CDK7: variants seen among roughly 807,000 people sequenced by gnomAD.
The protein encoded by CDK7 is cyclin-dependent kinase 7.
CDK7 carries 25 observed loss-of-function variants against 49.1 expected under a neutral mutation model. That is an observed-to-expected ratio of 0.51 (90% CI 0.37 to 0.71). CDK7 has a LOEUF of 0.71. Among genes scored for constraint, CDK7 ranks in the 30% least tolerant of loss-of-function variants. The pLI is 0.00. For synonymous variants in CDK7, 107 were observed against 140.0 expected, an observed-to-expected ratio of 0.76 and a Z score of 1.67; for missense variants, 316 against 411.7, an observed-to-expected ratio of 0.77 and a Z score of 2.01.
chr5:69,259,121 T>G (rs777304807), intron 6 of CDK7, among the ~76,000 whole-genome samples: 16 of 151,966 alleles, frequency 1.1e-4, no homozygotes, highest in Non-Finnish European at 1.5e-4. Context: ...AAGTTCAGTA[T>G]TCTTTGTGCT....
intron 2 of CDK7, among the ~76,000 whole-genome samples, chr5:69,238,421 A>G (rs1171529853): frequency 6.6e-6 from 1 of 151,506 alleles, no homozygotes; most frequent in Non-Finnish European, 1.5e-5. Flanking sequence ...ACCAGCTAGG[A>G]GTACAGGTGC....
chr5:69,236,283 C>T (rs1484387120), intron 2 of CDK7, among the ~76,000 whole-genome samples: 2 of 151,420 alleles, frequency 1.3e-5, no homozygotes, highest in South Asian at 2.1e-4. Flanking sequence ...ACATAACTCA[C>T]GTTCACCTAC....
At chr5:69,236,233 C>T (rs1454890907) in intron 2 of CDK7, among the ~76,000 whole-genome samples, 2 of 141,680 alleles carry the variant, frequency 1.4e-5, no homozygotes, top group East Asian at 4.1e-4. Context: ...GAGGGAGACT[C>T]CATCTTAAAA....
In CDK7 at chr5:69,235,036, G is replaced by T; in HGVS notation, c.61G>T (p.Gly21Ter). Residue 21 changes from glycine (G) to a stop codon, truncating the protein, a stop_gained, in exon 1 of 12, where the codon GGA (glycine) becomes TGA (stop). Coordinates refer to ENST00000256443, the MANE Select transcript of CDK7 (RefSeq NM_001799.4). LOFTEE classifies it high-confidence loss of function. Reference protein sequence around the residue: ...RYEKLDFLGEGQFATVYKARD... With the variant: ...RYEKLDFLGE The stretch of plus-strand genomic sequence containing the variant: ...TGAGAAGCTGGACTTCCTTGGGGAG[G>T]GACAGGTGAGGCTCTCTGGAAGGAC... The T allele has an allele frequency of 6.2e-7, 1 of 1,601,452 alleles. No homozygotes were observed. Among genetic ancestry groups the T allele is most frequent in the Non-Finnish European group, 8.5e-7 (1 of 1,174,280 alleles).
At chr5:69,270,556 G>A (rs954552199) in intron 9 of CDK7, among the ~76,000 whole-genome samples, 6 of 152,164 alleles carry the variant, frequency 3.9e-5, no homozygotes, top group African/African-American at 1.4e-4. Flanking sequence ...GGATGCTACA[G>A]TCAAGATACA....
chr5:69,257,587 T>C (rs1750569414), intron 5 of CDK7, among the ~76,000 whole-genome samples: 1 of 152,184 alleles, frequency 6.6e-6, no homozygotes, highest in African/African-American at 2.4e-5. Flanking sequence ...CACAAGTACT[T>C]GGCCTGGTTG....
intron 2 of CDK7, among the ~76,000 whole-genome samples, chr5:69,239,533 A>G (rs1749229537): frequency 6.6e-6 from 1 of 152,064 alleles, no homozygotes; most frequent in Admixed American, 6.6e-5. Context: ...GGCCTCCCAA[A>G]GAGCTGGGAT....
intron 2 of CDK7, among the ~76,000 whole-genome samples, chr5:69,250,572 G>T (rs1561354809): frequency 6.6e-6 from 1 of 152,140 alleles, no homozygotes; most frequent in Non-Finnish European, 1.5e-5. Context: ...CATCTTCAGG[G>T]TAGTGGGTTC....
intron 6 of CDK7, 68 bp from the exon 7 acceptor site, chr5:69,259,750 C>T: frequency 1.1e-6 from 1 of 922,978 alleles, no homozygotes; most frequent in Non-Finnish European, 1.7e-6. Context: ...GTTATGCCAA[C>T]TAAATGTAGC....
intron 9 of CDK7, among the ~76,000 whole-genome samples, chr5:69,271,794 G>A (rs547177011): frequency 1.3e-5 from 2 of 152,118 alleles, no homozygotes; most frequent in Non-Finnish European, 2.9e-5. Context: ...TTACAGGCAT[G>A]AGCCACTATG....
At chr5:69,257,287 G>A (rs1298460360) in intron 5 of CDK7, among the ~76,000 whole-genome samples, 1 of 151,948 alleles carries the variant, frequency 6.6e-6, no homozygotes. Flanking sequence ...CAAAACTCAT[G>A]GAACTATACA....
In CDK7 at chr5:69,263,838, G is replaced by C. The variant is rs1383709036; in HGVS notation, c.627+1534G>C. ...AAGCAAATGAAGAGAGACAGCAGTT[G>C]AGAGTAGACAGGTTAGAGATTGTGG... On this transcript the variant is annotated intron_variant, in intron 8 of 11. Transcript: ENST00000256443. 2.6e-5 allele frequency among the ~76,000 whole-genome samples: 4 copies of C among 152,216 alleles called. No individual in the cohort carries two copies. In the East Asian group the frequency reaches 7.7e-4, roughly 29 times the overall value.
chr5:69,258,195 A>G (rs563392312), intron 6 of CDK7, 42 bp downstream of exon 6: 1 of 848,400 alleles, frequency 1.2e-6, no homozygotes, highest in Non-Finnish European at 1.9e-6. Flanking sequence ...GTCAAGTTTT[A>G]TATAGCCAAT....
At chr5:69,235,352 A>G in intron 1 of CDK7, 42 bp from the exon 2 acceptor site, 1 of 1,436,894 alleles carries the variant, frequency 7.0e-7, no homozygotes, top group Middle Eastern at 1.7e-4. Flanking sequence ...GGCAAACACA[A>G]AAACTCCCAT....
chr5:69,264,072 T>C (rs1054734429), intron 8 of CDK7, among the ~76,000 whole-genome samples: 2 of 152,172 alleles, frequency 1.3e-5, no homozygotes, highest in African/African-American at 2.4e-5. Context: ...CAGATAGTTA[T>C]TAAGGATCTT....
intron 2 of CDK7, among the ~76,000 whole-genome samples, chr5:69,251,383 C>T (rs1321401287): frequency 1.3e-5 from 2 of 152,062 alleles, no homozygotes; most frequent in East Asian, 3.9e-4. Context: ...CAGGCATGAG[C>T]CGCCGCACCC....
intron 10 of CDK7, among the ~76,000 whole-genome samples, chr5:69,275,085 G>A (rs960308329): frequency 2.2e-4 from 33 of 149,190 alleles, no homozygotes; most frequent in Admixed American, 1.5e-3. Context: ...AAAAAGACAA[G>A]CATGACCTGA....
At chr5:69,268,758 C>A (rs1751328961) in intron 8 of CDK7, among the ~76,000 whole-genome samples, 1 of 146,442 alleles carries the variant, frequency 6.8e-6, no homozygotes, top group African/African-American at 2.5e-5. Flanking sequence ...GAGGCTGAGG[C>A]AGGAGAATGA....
chr5:69,277,375 A>G lies in CDK7; in HGVS notation c.*240A>G, dbSNP rs753046933. ...TCAATACTCTTGAAATGTAGAATTG[A>G]AAATGCATTAGGGAAAACTTAATAA... On this transcript the variant is annotated 3_prime_UTR_variant, in exon 12 of 12. Transcript: ENST00000256443. 2.6e-6 allele frequency: 1 copy of G among 377,828 alleles called. No homozygotes were observed. Among genetic ancestry groups the G allele is most frequent in the Non-Finnish European group, 4.8e-6 (1 of 208,748 alleles). 23.4% of individuals were successfully genotyped at this position (377,828 alleles called of 1,614,324 possible). A position where few individuals can be genotyped will look rare whatever the true frequency, so the allele number is the denominator to read the frequency against.
Sources: allele counts gnomAD v4.1 joint callset (sites outside exome capture counted in the v4.1 genomes callset), GRCh38; gene constraint gnomAD v4.1.1; transcripts MANE v1.5; gene names NCBI Gene and HGNC (gene_info 2026-07-23, HGNC 2026-07-21).